The following HCN4 variants were observed in gnomAD, a reference collection of about 807,000 sequenced individuals.
HCN4 encodes hyperpolarization activated cyclic nucleotide gated potassium channel 4.
Under a neutral mutation model 76.9 loss-of-function variants are expected in HCN4, and 29 were observed. That is an observed-to-expected ratio of 0.38 (90% CI 0.28 to 0.51). The LOEUF is 0.51. Ranked by LOEUF, HCN4 falls within the 20% of genes least tolerant of loss-of-function variation. HCN4 has a pLI of 0.90. For synonymous variants in HCN4, 772 were observed against 762.5 expected, an observed-to-expected ratio of 1.01 and a Z score of -0.21; for missense variants, 1,416 against 1,715.2, an observed-to-expected ratio of 0.83 and a Z score of 3.08.
intron 1 of HCN4, among the ~76,000 whole-genome samples, chr15:73,366,385 G>A (rs1030197929): frequency 4.6e-5 from 7 of 152,152 alleles, no homozygotes; most frequent in African/African-American, 1.7e-4. Flanking sequence ...GGTAGGCAAG[G>A]AAGGGAGATA....
rs141668255 is a variant in HCN4, at chr15:73,330,116, G to A, written c.1372-325C>T. Among the ~76,000 whole-genome samples the A allele has an allele frequency of 3.0e-3, 464 of 152,298 alleles. 1 individual carries two copies. The highest frequency in any genetic ancestry group is 0.014 in the South Asian group (68 of 4,832). ...AGCAAAGGCCCCGGGCTGAGCCACC[G>A]TGCTGTCCTTCCCTTGCTAAAACAG... On this transcript the variant is annotated intron_variant, in intron 3 of 7. Transcript: ENST00000261917.
chr15:73,365,520 G>A (rs929719180), intron 1 of HCN4, among the ~76,000 whole-genome samples: 1 of 152,202 alleles, frequency 6.6e-6, no homozygotes, highest in Non-Finnish European at 1.5e-5. Flanking sequence ...CAGTTAGTGG[G>A]AGATTCTGCA....
intron 2 of HCN4, chr15:73,335,737 G>A (rs972960725): frequency 6.6e-6 from 1 of 152,320 alleles, no homozygotes; most frequent in African/African-American, 2.4e-5. Context: ...CAAGCTTAGA[G>A]GTGTCTGTGC....
rs1020414257 is a variant in HCN4 at position 73,328,841 on chromosome 15, T to A, written c.1590+732A>T. 5.9e-5 allele frequency among the ~76,000 whole-genome samples: 9 copies of A among 152,050 alleles called. No individual in the cohort carries two copies. The highest frequency in any genetic ancestry group is 1.3e-4 in the Non-Finnish European group (9 of 68,018). ...AGGAGCTGTGGCTTTGAGGTAGGCA[T>A]TGATGACAGAGAGAGGCCAGGGATG... is the stretch of plus-strand genomic sequence containing the variant. On this transcript the variant is annotated intron_variant, in intron 4 of 7. Coordinates refer to ENST00000261917, the MANE Select transcript of HCN4 (RefSeq NM_005477.3). This position sits in a 1 kb window ranked among gnomAD's most constrained non-coding sequence, Gnocchi z 4.0.
chr15:73,329,911 T>C, intron 3 of HCN4, 120 bp from the exon 4 acceptor site: 1 of 792,152 alleles, frequency 1.3e-6, no homozygotes. Context: ...GGCCCAGGGC[T>C]CCCTAACCTT....
intron 1 of HCN4, among the ~76,000 whole-genome samples, chr15:73,344,723 C>A (rs1333466182): frequency 6.6e-6 from 1 of 152,168 alleles, no homozygotes; most frequent in Non-Finnish European, 1.5e-5. Context: ...AGAAGTTGAG[C>A]AGCATGAGGA....
At position 73,325,862 on chromosome 15, in the gene HCN4, GCA is replaced by G. The variant is rs2042895859; in HGVS notation, c.1591-420_1591-419del. On this transcript the variant is annotated intron_variant, in intron 4 of 7. Transcript: ENST00000261917. The surrounding 1 kb of genome is among the most constrained non-coding windows in gnomAD (Gnocchi z 7.4). ...TGTTTCCTCCCAGCAGTGACAACTG[GCA>G]CAGTCAGGAGGCAAGGGTGCGATGG... Among the ~76,000 whole-genome samples the G allele has an allele frequency of 6.6e-6, 1 of 152,174 alleles. No homozygotes were observed. Among genetic ancestry groups the G allele is most frequent in the Admixed American group, 6.5e-5 (1 of 15,276 alleles).
Position 73,332,147 on chromosome 15 carries a change from G to A in HCN4, c.1355C>T (p.Ser452Phe). The A allele has an allele frequency of 4.3e-6, 7 of 1,614,086 alleles. No homozygotes were observed. The highest frequency in any genetic ancestry group is 5.9e-6 in the Non-Finnish European group (7 of 1,180,034). ...CGCACTCACCACCATGTTGTTGATG[G>A]ACACCCAGCAGTCGTCAGGGAAGTC... Reference protein sequence around the residue: ...LQDFPDDCWVSINNMVNNSWG... With the variant: ...LQDFPDDCWVFINNMVNNSWG... Residue 452 changes from serine (S) to phenylalanine (F), a missense_variant, in exon 3 of 8, where the codon TCC becomes TTC. Transcript: ENST00000261917.
rs189432817 is a variant in HCN4, at chr15:73,331,631, T to A, written c.1371+500A>T. 3.2e-3 allele frequency among the ~76,000 whole-genome samples: 481 copies of A among 152,284 alleles called. 1 individual carries two copies. Among genetic ancestry groups the A allele is most frequent in the South Asian group, 0.014 (67 of 4,826 alleles). Reference sequence around the variant, plus strand: ...AATAAATTTTATTTATTTGTTGAAGTCAGGGGTCTCCCTATGCCGCTCAGG... The same window carrying A: ...AATAAATTTTATTTATTTGTTGAAGACAGGGGTCTCCCTATGCCGCTCAGG... On this transcript the variant is annotated intron_variant, in intron 3 of 7. Coordinates refer to ENST00000261917, the MANE Select transcript of HCN4 (RefSeq NM_005477.3).
At chr15:73,337,653 G>A (rs1416994813) in intron 2 of HCN4, among the ~76,000 whole-genome samples, 1 of 152,208 alleles carries the variant, frequency 6.6e-6, no homozygotes, top group African/African-American at 2.4e-5. Flanking sequence ...ACGGCACAGA[G>A]CATGTGGTAA....
intron 1 of HCN4, among the ~76,000 whole-genome samples, chr15:73,353,364 G>A (rs1043290517): frequency 6.6e-6 from 1 of 152,204 alleles, no homozygotes; most frequent in African/African-American, 2.4e-5. Context: ...AGAAATATGT[G>A]GCAAAGTCAT....
Position 73,367,470 on chromosome 15 carries a change from C to T in HCN4, c.785+16G>A. ...CCGCGCAGGGCACCCACAGGATCAT[C>T]GCTGTGGCCCCTTACCTGAAGTCAC... On this transcript the variant is annotated intron_variant, in intron 1 of 7. Transcript: ENST00000261917. The surrounding 1 kb of genome is among the most constrained non-coding windows in gnomAD (Gnocchi z 7.5). The T allele has an allele frequency of 6.2e-7, 1 of 1,612,680 alleles. No homozygotes were observed. Among genetic ancestry groups the T allele is most frequent in the Non-Finnish European group, 8.5e-7 (1 of 1,179,932 alleles).
At chr15:73,366,316 G>A (rs1156665409) in intron 1 of HCN4, among the ~76,000 whole-genome samples, 1 of 152,132 alleles carries the variant, frequency 6.6e-6, no homozygotes, top group South Asian at 2.1e-4. Flanking sequence ...AGCTTCCCTG[G>A]AGTTTGCAAA....
chr15:73,323,203 AGGGTGG>A lies in HCN4; in HGVS notation c.2884_2889del (p.Pro962_Pro963del), dbSNP rs750207209. The A allele has an allele frequency of 3.4e-5, 52 of 1,532,560 alleles. No homozygotes were observed. The highest frequency in any genetic ancestry group is 4.6e-5 in the Non-Finnish European group (52 of 1,142,636). The allele number at this position is 1,532,560 out of a possible 1,614,324, so 94.9% of individuals were successfully genotyped here. A position where few individuals can be genotyped will look rare whatever the true frequency, so the allele number is the denominator to read the frequency against. On this transcript the variant is annotated inframe_deletion, in exon 8 of 8. Coordinates refer to ENST00000261917, the MANE Select transcript of HCN4 (RefSeq NM_005477.3). The stretch of plus-strand genomic sequence containing the variant: ...GGGCTAGATGACGGGGATCTGGATG[AGGGTGG>A]GGGTGGCAGGAAGTGCTCCGGGAGT...
rs200813893 is a variant in HCN4 at position 73,325,479 on chromosome 15, C to A, written c.1591-35G>T. The A allele has an allele frequency of 2.5e-6, 4 of 1,612,296 alleles. No homozygotes were observed. Among genetic ancestry groups the A allele is most frequent in the Admixed American group, 1.7e-5 (1 of 59,956 alleles). Reference sequence around the variant, plus strand: ...GGAGAAGGGGGCGTCAGCTCCACCCCACCAGGGGGCGTCAGCAGCCAGCCC... The same window carrying A: ...GGAGAAGGGGGCGTCAGCTCCACCCAACCAGGGGGCGTCAGCAGCCAGCCC... On this transcript the variant is annotated intron_variant, in intron 4 of 7. Transcript: ENST00000261917. The surrounding 1 kb of genome is among the most constrained non-coding windows in gnomAD (Gnocchi z 7.4).
chr15:73,361,348 C>T (rs1002546608), intron 1 of HCN4, among the ~76,000 whole-genome samples: 1 of 152,182 alleles, frequency 6.6e-6, no homozygotes, highest in Non-Finnish European at 1.5e-5. Context: ...CCTGGCAATG[C>T]CTCCTCAGTA....
chr15:73,335,865 T>A (rs2042962141), intron 2 of HCN4, among the ~76,000 whole-genome samples: 1 of 151,996 alleles, frequency 6.6e-6, no homozygotes, highest in Non-Finnish European at 1.5e-5. Flanking sequence ...CTTTCCTGGG[T>A]CTCGGGGCAG....
At chr15:73,364,209 G>A (rs1168201797) in intron 1 of HCN4, among the ~76,000 whole-genome samples, 1 of 152,008 alleles carries the variant, frequency 6.6e-6, no homozygotes, top group East Asian at 1.9e-4. Context: ...GCCAGCTTTG[G>A]GGGCGCAGCA....
At chr15:73,332,377 G>A (rs1255520543) in intron 2 of HCN4, 85 bp from the exon 3 acceptor site, 4 of 1,379,838 alleles carry the variant, frequency 2.9e-6, no homozygotes, top group Non-Finnish European at 4.1e-6. Flanking sequence ...GGAGCTGCTG[G>A]TGGGCACTGC....
Sources: allele counts gnomAD v4.1 joint callset (sites outside exome capture counted in the v4.1 genomes callset), GRCh38; gene constraint gnomAD v4.1.1; non-coding constraint Gnocchi (gnomAD v3.1); transcripts MANE v1.5; gene names NCBI Gene and HGNC (gene_info 2026-07-23, HGNC 2026-07-21).